The following SLC7A2 variants were observed in gnomAD, a reference collection of about 807,000 sequenced individuals.
SLC7A2 encodes cationic amino acid transporter 2.
Under a neutral mutation model 58.9 loss-of-function variants are expected in SLC7A2, and 48 were observed. The ratio of observed to expected loss-of-function variants is 0.82; its 90% CI spans 0.65 to 1.04. The LOEUF (loss-of-function observed/expected upper bound fraction) is 1.04. Among genes scored for constraint, SLC7A2 ranks in the 50% least tolerant of loss-of-function variants. SLC7A2 has a pLI of 0.00. For missense variants in SLC7A2, 1,029 were observed against 818.8 expected (o/e 1.26, Z -3.13); for synonymous variants, 363 against 314.5 (o/e 1.15, Z -1.63).
chr8:17,538,060 A>G (rs550762746), intron 2 of SLC7A2, among the ~76,000 whole-genome samples: 34 of 152,372 alleles, frequency 2.2e-4, no homozygotes, highest in African/African-American at 8.2e-4. Flanking sequence ...CAGACTTCCC[A>G]GAATTCTCTA....
At chr8:17,547,233 T>C (rs565707559) in intron 4 of SLC7A2, among the ~76,000 whole-genome samples, 1 of 146,436 alleles carries the variant, frequency 6.8e-6, no homozygotes, top group South Asian at 2.2e-4. Flanking sequence ...GGTGACCGAG[T>C]AGGGAAAGAA....
chr8:17,547,217 G>C (rs773364886), intron 4 of SLC7A2, among the ~76,000 whole-genome samples: 8 of 150,530 alleles, frequency 5.3e-5, no homozygotes, highest in Non-Finnish European at 1.0e-4. Flanking sequence ...CACAGTCATG[G>C]TGGAAGGTGA....
intron 2 of SLC7A2, among the ~76,000 whole-genome samples, chr8:17,513,494 A>G (rs79379890): frequency 0.025 from 3,793 of 152,328 alleles, 100 homozygotes; most frequent in South Asian, 0.09. Context: ...ATTTTAAAAG[A>G]TAGAAAAAGT....
intron 8 of SLC7A2, among the ~76,000 whole-genome samples, chr8:17,555,982 A>G (rs781621066): frequency 6.6e-6 from 1 of 152,216 alleles, no homozygotes; most frequent in Non-Finnish European, 1.5e-5. Context: ...TTGTTAGGAA[A>G]TTAGCTTAGA....
chr8:17,570,096 T>C lies in SLC7A2; in HGVS notation c.*4950T>C, dbSNP rs182126424. 2.0e-5 allele frequency: 3 copies of C among 152,146 alleles called. No homozygotes were observed. The highest frequency in any genetic ancestry group is 4.4e-5 in the Non-Finnish European group (3 of 68,028). 9.4% of individuals were successfully genotyped at this position (152,146 alleles called of 1,614,324 possible). Reference sequence around the variant, plus strand: ...GGGCTGGCTGAATCCTGAAGTAGCATAGTGGGACCTGGTCTACAATTTATG... The same window carrying C: ...GGGCTGGCTGAATCCTGAAGTAGCACAGTGGGACCTGGTCTACAATTTATG... On this transcript the variant is annotated 3_prime_UTR_variant, in exon 13 of 13. Coordinates refer to ENST00000494857, the MANE Select transcript of SLC7A2 (RefSeq NM_001370338.1).
At chr8:17,503,009 T>G (rs1035503092) in intron 2 of SLC7A2, among the ~76,000 whole-genome samples, 1 of 152,042 alleles carries the variant, frequency 6.6e-6, no homozygotes, top group African/African-American at 2.4e-5. Context: ...ATTTCTTCTG[T>G]GTGTTTTTGC....
intron 2 of SLC7A2, among the ~76,000 whole-genome samples, chr8:17,511,465 T>C (rs1465896203): frequency 1.3e-5 from 2 of 152,178 alleles, no homozygotes; most frequent in African/African-American, 2.4e-5. Context: ...AGTTTTTAAA[T>C]GGAGCTAGGG....
At chr8:17,510,385 A>G (rs34597693) in intron 2 of SLC7A2, among the ~76,000 whole-genome samples, 1 of 152,094 alleles carries the variant, frequency 6.6e-6, no homozygotes, top group African/African-American at 2.4e-5. Flanking sequence ...TATAACTAGG[A>G]AAAAAAGCTG....
intron 8 of SLC7A2, 74 bp downstream of exon 8, chr8:17,554,773 C>T (rs1267853065): frequency 1.4e-6 from 2 of 1,479,298 alleles, no homozygotes; most frequent in Non-Finnish European, 1.8e-6. Flanking sequence ...AAATACAAAG[C>T]TAGGTGGTTT....
intron 2 of SLC7A2, among the ~76,000 whole-genome samples, chr8:17,522,795 G>A (rs1801068062): frequency 6.6e-6 from 1 of 152,098 alleles, no homozygotes; most frequent in Non-Finnish European, 1.5e-5. Context: ...CAACACTTTG[G>A]GAAGCTGAGA....
intron 2 of SLC7A2, among the ~76,000 whole-genome samples, chr8:17,525,700 A>G (rs767579010): frequency 5.9e-5 from 9 of 152,258 alleles, no homozygotes; most frequent in Non-Finnish European, 8.8e-5. Flanking sequence ...CACTCAGGGT[A>G]CATTAAGCAA....
At position 17,532,249 on chromosome 8, in the gene SLC7A2, AAAAAAAAAAAC is replaced by A. The variant is rs1294276008; in HGVS notation, c.-22-11068_-22-11058del. Among the ~76,000 whole-genome samples the A allele has an allele frequency of 7.5e-5, 9 of 120,580 alleles. No individual in the cohort carries two copies. The East Asian group carries it at 2.0e-3, about 26-fold the overall frequency. The allele number at this position is 120,580 out of a possible 152,430, so 79.1% of individuals were successfully genotyped here. A position where few individuals can be genotyped will look rare whatever the true frequency, so the allele number is the denominator to read the frequency against. On this transcript the variant is annotated intron_variant, in intron 2 of 12. Coordinates refer to ENST00000494857, the MANE Select transcript of SLC7A2 (RefSeq NM_001370338.1). Reference sequence around the variant, plus strand: ...TATCTCAAAAAAAAAAAAAAAAAAAAAAAAAAAAAACCCCAGCAATTCTAGGGAGGAATAAT... The same window carrying A: ...TATCTCAAAAAAAAAAAAAAAAAAAACCCAGCAATTCTAGGGAGGAATAAT...
At chr8:17,499,716 G>C (rs114333203) in intron 1 of SLC7A2, among the ~76,000 whole-genome samples, 2,621 of 152,052 alleles carry the variant, frequency 0.017, 94 homozygotes, top group African/African-American at 0.06. Flanking sequence ...GAAAAACTTA[G>C]TTAACTAAGA....
chr8:17,520,119 C>T (rs1664459467), intron 2 of SLC7A2, among the ~76,000 whole-genome samples: 1 of 152,050 alleles, frequency 6.6e-6, no homozygotes, highest in Non-Finnish European at 1.5e-5. Context: ...TTTGAGATTT[C>T]AATAAGTGAT....
intron 2 of SLC7A2, among the ~76,000 whole-genome samples, chr8:17,524,379 TAGAA>T (rs1179153423): frequency 1.3e-5 from 2 of 150,606 alleles, no homozygotes; most frequent in African/African-American, 2.5e-5. Flanking sequence ...TCAACAAGTA[TAGAA>T]AGAAAATGTG....
chr8:17,564,859 C>CT, intron 12 of SLC7A2, 91 bp from the exon 13 acceptor site: 1 of 1,079,582 alleles, frequency 9.3e-7, no homozygotes. Context: ...GAGACAAACT[C>CT]TATTAAGTTC....
In SLC7A2 at chr8:17,544,596, A is replaced by G. The variant is rs778181272; in HGVS notation, c.522A>G (p.Leu174=). ...YPDFFAVCLI[L]LLAGLLSFGV... ...ATTTTTTTGCTGTGTGCCTTATATT[A>G]CTTCTAGCAGGTAAGAAAACCAGTT... Residue 174 remains leucine (L), a synonymous_variant, in exon 4 of 13, where the codon TTA becomes TTG. Coordinates refer to ENST00000494857, the MANE Select transcript of SLC7A2 (RefSeq NM_001370338.1). The G allele has an allele frequency of 6.2e-7, 1 of 1,613,650 alleles. No individual in the cohort carries two copies. Among genetic ancestry groups the G allele is most frequent in the East Asian group, 2.2e-5 (1 of 44,864 alleles).
At chr8:17,553,442 A>G (rs114685125) in intron 7 of SLC7A2, among the ~76,000 whole-genome samples, 1,741 of 152,284 alleles carry the variant, frequency 0.011, 31 homozygotes, top group African/African-American at 0.04. Context: ...ATGGACAAAG[A>G]TTCATCTATG....
At chr8:17,504,566 C>A (rs1800290408) in intron 2 of SLC7A2, among the ~76,000 whole-genome samples, 1 of 152,178 alleles carries the variant, frequency 6.6e-6, no homozygotes, top group Non-Finnish European at 1.5e-5. Context: ...AATTGTATTT[C>A]TATATGCATT....
Sources: gnomAD v4.1 joint callset for allele counts (sites outside exome capture counted in the v4.1 genomes callset) on GRCh38, gnomAD v4.1.1 for gene constraint, MANE v1.5 for transcripts, NCBI Gene and HGNC (gene_info 2026-07-23, HGNC 2026-07-21) for gene names.